KCNH1: variants seen among roughly 807,000 people sequenced by gnomAD.
KCNH1 encodes the protein potassium voltage-gated channel subfamily H member 1.
KCNH1 carries 27 observed loss-of-function variants against 69.2 expected under a neutral mutation model. That is an observed-to-expected ratio of 0.39 (90% confidence interval 0.29 to 0.54). The LOEUF (loss-of-function observed/expected upper bound fraction) is 0.54, where lower values mean the gene tolerates loss of function less well. Among genes scored for constraint, KCNH1 ranks in the 20% least tolerant of loss-of-function variants. The pLI is 0.68. For synonymous variants in KCNH1, 456 were observed against 487.7 expected (o/e 0.93, Z 0.86); for missense variants, 798 against 1,261.6 (o/e 0.63, Z 5.57).
At chr1:210,978,320 G>A (rs1244493469) in intron 6 of KCNH1, among the ~76,000 whole-genome samples, 1 of 152,168 alleles carries the variant, frequency 6.6e-6, no homozygotes, top group Non-Finnish European at 1.5e-5. Flanking sequence ...TTACAGGCAT[G>A]AGCCACCGCG....
intron 5 of KCNH1, among the ~76,000 whole-genome samples, chr1:211,029,200 G>T (rs1168377995): frequency 6.7e-6 from 1 of 148,658 alleles, no homozygotes; most frequent in Non-Finnish European, 1.5e-5. Context: ...AGGGGTGGTG[G>T]TACATGCCTA....
chr1:210,947,439 G>T (rs1687979566), intron 6 of KCNH1, among the ~76,000 whole-genome samples: 1 of 151,984 alleles, frequency 6.6e-6, no homozygotes. Flanking sequence ...GCCAGGCATG[G>T]TGGCGGGCAC....
intron 6 of KCNH1, among the ~76,000 whole-genome samples, chr1:210,988,055 A>G (rs533520840): frequency 6.6e-6 from 1 of 152,166 alleles, no homozygotes; most frequent in Admixed American, 6.5e-5. Context: ...AATGAGTGAG[A>G]TTCTGTGGGT....
intron 6 of KCNH1, among the ~76,000 whole-genome samples, chr1:211,012,370 G>A (rs1269883785): frequency 6.6e-6 from 1 of 152,268 alleles, no homozygotes; most frequent in African/African-American, 2.4e-5. Context: ...GTGCTGATCA[G>A]AATTGAAATC....
chr1:211,130,065 C>T (rs959193997), intron 1 of KCNH1, among the ~76,000 whole-genome samples: 1 of 152,180 alleles, frequency 6.6e-6, no homozygotes, highest in African/African-American at 2.4e-5. Flanking sequence ...CTTCAGCAAA[C>T]ATTCTGACAA....
At chr1:210,702,141 T>A (rs187245568) in intron 10 of KCNH1, among the ~76,000 whole-genome samples, 1 of 152,344 alleles carries the variant, frequency 6.6e-6, no homozygotes, top group African/African-American at 2.4e-5. Flanking sequence ...TAACTTACTG[T>A]ATCACTTTGG....
chr1:210,810,589 T>C (rs1257666737), intron 7 of KCNH1, among the ~76,000 whole-genome samples: 1 of 152,188 alleles, frequency 6.6e-6, no homozygotes, highest in African/African-American at 2.4e-5. Context: ...TTATGAGAAA[T>C]TTCTTCAGCT....
chr1:211,080,581 C>T (rs1482272650), intron 5 of KCNH1, among the ~76,000 whole-genome samples: 1 of 152,188 alleles, frequency 6.6e-6, no homozygotes, highest in Non-Finnish European at 1.5e-5. Flanking sequence ...TACAAGGCTA[C>T]AGTAACCAAA....
chr1:211,044,821 A>G lies in KCNH1; in HGVS notation c.559-25565T>C, dbSNP rs1440423740. On this transcript the variant is annotated intron_variant, in intron 5 of 10. Transcript: ENST00000271751. Reference sequence around the variant, plus strand: ...TACTGGTGGGAATGTAAACTAGCACAACCACCATGGAAAACAGTGTGGAGA... The same window carrying G: ...TACTGGTGGGAATGTAAACTAGCACGACCACCATGGAAAACAGTGTGGAGA... Among the ~76,000 whole-genome samples the G allele has an allele frequency of 2.6e-5, 4 of 151,996 alleles. No individual in the cohort carries two copies. In the East Asian group the frequency reaches 7.7e-4, roughly 29 times the overall value.
At chr1:210,962,772 C>T (rs111231331) in intron 6 of KCNH1, among the ~76,000 whole-genome samples, 69 of 151,440 alleles carry the variant, frequency 4.6e-4, no homozygotes, top group African/African-American at 1.6e-3. Flanking sequence ...AGTCTCATAC[C>T]TAGGAATAAG....
chr1:211,004,214 G>T (rs1689237942), intron 6 of KCNH1, among the ~76,000 whole-genome samples: 1 of 152,146 alleles, frequency 6.6e-6, no homozygotes, highest in Admixed American at 6.5e-5. Context: ...ATGAGAATTG[G>T]TCACCAGCAG....
intron 7 of KCNH1, among the ~76,000 whole-genome samples, chr1:210,833,219 G>C (rs1429287260): frequency 6.6e-6 from 1 of 151,870 alleles, no homozygotes. Flanking sequence ...CTTAAAGTAG[G>C]GCACACAACC....
chr1:211,041,231 TA>T (rs1337679589), intron 5 of KCNH1, among the ~76,000 whole-genome samples: 1 of 152,212 alleles, frequency 6.6e-6, no homozygotes, highest in Non-Finnish European at 1.5e-5. Flanking sequence ...TTAGTGTTAC[TA>T]AATCCAGTGT....
In KCNH1 at chr1:210,684,145, A is replaced by G; in HGVS notation, c.2113-7T>C. The G allele has an allele frequency of 6.8e-6, 10 of 1,464,816 alleles. No homozygotes were observed. Among genetic ancestry groups the G allele is most frequent in the Non-Finnish European group, 9.1e-6 (10 of 1,098,410 alleles). The allele number at this position is 1,464,816 out of a possible 1,614,324, so 90.7% of individuals were successfully genotyped here. ...TGATCTTCCGGAACACAATCTGGAG[A>G]GAGAGAGAGAGAGAATGACATGGCG... On this transcript the variant is annotated splice_region_variant and splice_polypyrimidine_tract_variant and intron_variant, in intron 10 of 10. Transcript: ENST00000271751.
At chr1:210,903,812 G>T (rs1687044059) in intron 7 of KCNH1, among the ~76,000 whole-genome samples, 1 of 152,188 alleles carries the variant, frequency 6.6e-6, no homozygotes. Context: ...AGGGAGAGAT[G>T]AAGGTTACTT....
chr1:210,958,452 G>T (rs1247176424), intron 6 of KCNH1, among the ~76,000 whole-genome samples: 1 of 152,058 alleles, frequency 6.6e-6, no homozygotes. Context: ...TTGAATGTTG[G>T]CCTGCCTTGC....
At chr1:210,712,434 A>C (rs1480876855) in intron 10 of KCNH1, among the ~76,000 whole-genome samples, 1 of 152,186 alleles carries the variant, frequency 6.6e-6, no homozygotes, top group African/African-American at 2.4e-5. Context: ...AATAGAGCCC[A>C]GGACACTGCT....
intron 10 of KCNH1, among the ~76,000 whole-genome samples, chr1:210,728,867 T>C (rs1682673888): frequency 6.6e-6 from 1 of 152,246 alleles, no homozygotes; most frequent in Non-Finnish European, 1.5e-5. Flanking sequence ...GGCATGCTGC[T>C]CTTCTCTGAC....
At chr1:210,720,709 C>G (rs546396656) in intron 10 of KCNH1, among the ~76,000 whole-genome samples, 2 of 152,118 alleles carry the variant, frequency 1.3e-5, no homozygotes, top group African/African-American at 2.4e-5. Context: ...CATCACATTG[C>G]GTCACCTGTT....
Sources: allele counts gnomAD v4.1 joint callset (sites outside exome capture counted in the v4.1 genomes callset), GRCh38; gene constraint gnomAD v4.1.1; transcripts MANE v1.5; gene names NCBI Gene and HGNC (gene_info 2026-07-23, HGNC 2026-07-21).